The following UTP20 variants were observed in gnomAD, a reference collection of about 807,000 sequenced individuals.
UTP20 encodes the protein UTP20 small subunit processome component.
A neutral mutation model predicts 329.5 loss-of-function variants in UTP20; 164 were observed. That is an observed-to-expected ratio of 0.50 (90% CI 0.44 to 0.57). The LOEUF (loss-of-function observed/expected upper bound fraction) is 0.57, where lower values mean the gene tolerates loss of function less well. Among genes scored for constraint, UTP20 ranks in the 20% least tolerant of loss-of-function variants. UTP20 has a pLI of 0.00. For synonymous variants in UTP20, 1,151 were observed against 1,159.3 expected (o/e 0.99, Z 0.14); for missense variants, 3,055 against 3,284.2 (o/e 0.93, Z 1.71).
intron 43 of UTP20, among the ~76,000 whole-genome samples, chr12:101,360,719 C>T (rs1869882998): frequency 6.6e-6 from 1 of 152,082 alleles, no homozygotes; most frequent in Non-Finnish European, 1.5e-5. Context: ...ATCCCAGCTA[C>T]TCGGGAGGCT....
Position 101,346,583 on chromosome 12 carries a change from C to T in UTP20, c.4879C>T (p.Leu1627Phe), listed in dbSNP as rs200660845. Residue 1627 changes from leucine (L) to phenylalanine (F), a missense_variant, in exon 38 of 62, where the codon CTC (leucine) becomes TTC (phenylalanine). By Grantham distance (22) the Leu-to-Phe change is conservative. Around this residue, in one of 3 missense-constraint regions of UTP20, gnomAD observed 2,445 missense variants for 2,575.5 expected, o/e 0.95. Transcript: ENST00000261637. Reference sequence around the variant, plus strand: ...GACTCCAATTTTTGATGAGAAAATGCTCAAGGTAGGTCATTAGATCTAGAA... The same window carrying T: ...GACTCCAATTTTTGATGAGAAAATGTTCAAGGTAGGTCATTAGATCTAGAA... ...AMTPIFDEKM[L>F]KHENITTAAT... is the part of the protein sequence containing the mutation. The T allele has an allele frequency of 1.3e-4, 210 of 1,595,438 alleles. 1 individual carries two copies. The East Asian group carries it at 4.3e-3, about 33-fold the overall frequency.
intron 15 of UTP20, 114 bp from the exon 16 acceptor site, chr12:101,305,801 G>A (rs943302472): frequency 2.4e-5 from 30 of 1,248,250 alleles, no homozygotes; most frequent in Non-Finnish European, 3.1e-5. Flanking sequence ...TGAGACTTTT[G>A]CCTGTTACCT....
chr12:101,386,097 C>G lies in UTP20; in HGVS notation c.8332C>G (p.Leu2778Val). 6.2e-7 allele frequency: 1 copy of G among 1,606,786 alleles called. No homozygotes were observed. The change falls in exon 62 of 62, where the codon CTG becomes GTG. Residue 2778 changes from leucine (L) to valine (V), a missense_variant. By Grantham distance (32) the Leu-to-Val change is conservative (BLOSUM62 1). Coordinates refer to ENST00000261637, the MANE Select transcript of UTP20 (RefSeq NM_014503.3). ...YKAKRQKSHS[L>V]KDLAMVE ...GGCCAAGAGACAAAAAAGCCATAGC[C>G]TGAAAGATTTAGCAATGGTGGAGTA...
At chr12:101,348,743 T>G (rs1869415889) in intron 38 of UTP20, among the ~76,000 whole-genome samples, 1 of 145,032 alleles carries the variant, frequency 6.9e-6, no homozygotes, top group South Asian at 2.2e-4. Context: ...TTGGTGGTTT[T>G]TTTTTTTTTT....
rs1398435401 is a variant in UTP20 at position 101,307,192 on chromosome 12, A to G, written c.1995+431A>G. 1.8e-3 allele frequency among the ~76,000 whole-genome samples: 276 copies of G among 151,146 alleles called. 1 individual carries two copies. Among genetic ancestry groups the G allele is most frequent in the African/African-American group, 6.4e-3 (263 of 40,970 alleles). ...GACTCCGTCTCAAAAAAAAAAAAAA[A>G]AATTGATTTTTTTTTTTTGGTAACT... On this transcript the variant is annotated intron_variant, in intron 17 of 61. Coordinates refer to ENST00000261637, the MANE Select transcript of UTP20 (RefSeq NM_014503.3).
At chr12:101,366,352 A>G (rs1053051718) in intron 46 of UTP20, among the ~76,000 whole-genome samples, 3 of 152,186 alleles carry the variant, frequency 2.0e-5, no homozygotes, top group Non-Finnish European at 4.4e-5. Flanking sequence ...TGATCCTAAT[A>G]TAAATATGTT....
intron 29 of UTP20, among the ~76,000 whole-genome samples, chr12:101,337,192 T>G (rs2137273518): frequency 6.6e-6 from 1 of 152,356 alleles, no homozygotes; most frequent in Middle Eastern, 3.4e-3. Flanking sequence ...GTGTCTTGTG[T>G]AGAGCCTACC....
In UTP20 at chr12:101,373,567, G is replaced by A. The variant is rs1387713190; in HGVS notation, c.6949-18G>A. 1.6e-5 allele frequency: 26 copies of A among 1,610,820 alleles called. No homozygotes were observed. The highest frequency in any genetic ancestry group is 4.4e-5 in the South Asian group (4 of 90,642). On this transcript the variant is annotated intron_variant, in intron 53 of 61. Coordinates refer to ENST00000261637, the MANE Select transcript of UTP20 (RefSeq NM_014503.3). ...GGAATTCCACTCTGAGTGCTCACAC[G>A]TGCCTCTTTTCTTTTAGGGGCTGCT...
In UTP20 at chr12:101,313,539, G is replaced by T. The variant is rs371372476; in HGVS notation, c.2552+1263G>T. Among the ~76,000 whole-genome samples the T allele has an allele frequency of 1.8e-4, 27 of 152,288 alleles. No individual in the cohort carries two copies. The South Asian group carries it at 5.4e-3, about 30-fold the overall frequency. On this transcript the variant is annotated intron_variant, in intron 21 of 61. Transcript: ENST00000261637. ...AGAATGACATTGGTGAGAGTAGAGA[G>T]ACCAGTCATGAGGAGATTGCAAGTC...
At chr12:101,306,972 G>A (rs1298773847) in intron 17 of UTP20, among the ~76,000 whole-genome samples, 1 of 152,104 alleles carries the variant, frequency 6.6e-6, no homozygotes. Flanking sequence ...AGGAGATTGA[G>A]ACCATACTGG....
At position 101,376,762 on chromosome 12, in the gene UTP20, G is replaced by A. The variant is rs142134401; in HGVS notation, c.7396+1006G>A. On this transcript the variant is annotated intron_variant, in intron 56 of 61. Transcript: ENST00000261637. ...CCTTCCGGATTCAAGTGATTCTTCCGCCTCAGCCTCCCAAGTAGCTGGGAT... is the reference window on the plus strand; with the variant it reads ...CCTTCCGGATTCAAGTGATTCTTCCACCTCAGCCTCCCAAGTAGCTGGGAT... Among the ~76,000 whole-genome samples the A allele has an allele frequency of 6.6e-4, 101 of 152,168 alleles. No individual in the cohort carries two copies. The East Asian group carries it at 0.011, about 17-fold the overall frequency.
rs746025682 is a variant in UTP20 at position 101,317,516 on chromosome 12, C to A, written c.2591C>A (p.Thr864Asn). 6.2e-7 allele frequency: 1 copy of A among 1,614,086 alleles called. No individual in the cohort carries two copies. Among genetic ancestry groups the A allele is most frequent in the South Asian group, 1.1e-5 (1 of 91,080 alleles). The change falls in exon 22 of 62, where the codon ACC becomes AAC. Residue 864 changes from threonine (T) to asparagine (N), a missense_variant. Thr to Asn is a moderately conservative substitution (Grantham distance 65). Transcript: ENST00000261637. ...CCAGCAGATCTGCAAGTTGCTCCAA[C>A]CCAGGATCTACGGAGAAAAGGCAAA... ...YYPADLQVAPTQDLRRKGKGM... is the reference protein window; with the variant it reads ...YYPADLQVAPNQDLRRKGKGM...
At chr12:101,355,526 C>A (rs1221400984) in intron 41 of UTP20, among the ~76,000 whole-genome samples, 1 of 152,180 alleles carries the variant, frequency 6.6e-6, no homozygotes, top group African/African-American at 2.4e-5. Flanking sequence ...CCTTTCCTTC[C>A]TTCTCAGGGT....
chr12:101,355,050 A>G lies in UTP20; in HGVS notation c.5326A>G (p.Ile1776Val). 1 of 1,614,212 alleles carries G rather than the reference A, an allele frequency of 6.2e-7. No homozygotes were observed. Among genetic ancestry groups the G allele is most frequent in the Non-Finnish European group, 8.5e-7 (1 of 1,180,036 alleles). Residue 1776 changes from isoleucine to valine, a missense_variant, in exon 41 of 62, where the codon ATT (isoleucine) becomes GTT (valine). Coordinates refer to ENST00000261637, the MANE Select transcript of UTP20 (RefSeq NM_014503.3). ...AAACAAGGAAGAAATAGAGAGAACA[A>G]TTAAAAATATCCAAGGAACCATAAC... ...PQNKEEIERT[I>V]KNIQGTITGD... is the part of the protein sequence containing the mutation.
At chr12:101,351,145 A>T (rs1253707543) in intron 38 of UTP20, among the ~76,000 whole-genome samples, 2 of 148,112 alleles carry the variant, frequency 1.4e-5, no homozygotes, top group African/African-American at 5.1e-5. Flanking sequence ...TTTTTTTTCC[A>T]AGACGCAGTC....
intron 10 of UTP20, among the ~76,000 whole-genome samples, 154 bp from the exon 11 acceptor site, chr12:101,293,014 T>C (rs2290721): frequency 0.014 from 2,131 of 152,290 alleles, 29 homozygotes; most frequent in East Asian, 0.08. Context: ...GCAGAAGCCC[T>C]TTGCATCTGT....
intron 32 of UTP20, among the ~76,000 whole-genome samples, chr12:101,341,597 A>T (rs912236231): frequency 2.6e-5 from 4 of 152,214 alleles, no homozygotes; most frequent in African/African-American, 9.6e-5. Context: ...ATAACAATAT[A>T]ATTATAAAAA....
At chr12:101,336,724 G>T (rs1868944914) in intron 29 of UTP20, among the ~76,000 whole-genome samples, 1 of 152,172 alleles carries the variant, frequency 6.6e-6, no homozygotes, top group South Asian at 2.1e-4. Context: ...TCAGGGCAAA[G>T]ACCATGTCTC....
chr12:101,381,846 T>C (rs1382741445), intron 58 of UTP20, among the ~76,000 whole-genome samples: 1 of 149,898 alleles, frequency 6.7e-6, no homozygotes. Context: ...TGGTGAAACT[T>C]CATCTCTACT....
Sources: allele counts gnomAD v4.1 joint callset (sites outside exome capture counted in the v4.1 genomes callset), GRCh38; gene constraint gnomAD v4.1.1; regional missense constraint gnomAD v4.1.1; transcripts MANE v1.5; gene names NCBI Gene and HGNC (gene_info 2026-07-23, HGNC 2026-07-21).